The following MBNL2 variants were observed in gnomAD, a reference collection of about 807,000 sequenced individuals.
The protein encoded by MBNL2 is muscleblind like splicing regulator 2.
In MBNL2, 17 loss-of-function variants were observed where a neutral mutation model predicts 41.9. The ratio of observed to expected loss-of-function variants is 0.41; its 90% CI spans 0.28 to 0.61. The LOEUF (loss-of-function observed/expected upper bound fraction) is 0.61, where lower values mean the gene tolerates loss of function less well. Among genes scored for constraint, MBNL2 ranks in the 20% least tolerant of loss-of-function variants. The pLI is 0.35. For synonymous variants in MBNL2, 195 were observed against 182.9 expected (o/e 1.07, Z -0.53); for missense variants, 336 against 505.6 (o/e 0.66, Z 3.22).
chr13:97,342,704 A>G (rs140476647), intron 3 of MBNL2, among the ~76,000 whole-genome samples: 5 of 152,342 alleles, frequency 3.3e-5, no homozygotes, highest in African/African-American at 1.2e-4. Flanking sequence ...TTAGTGTTAT[A>G]ACATTTAATA....
intron 1 of MBNL2, among the ~76,000 whole-genome samples, chr13:97,240,136 T>G (rs2043997929): frequency 2.0e-5 from 3 of 152,210 alleles, no homozygotes; most frequent in Admixed American, 6.5e-5. Flanking sequence ...CCTCCCATGA[T>G]TCTGACTCGG....
At chr13:97,260,494 T>G (rs554413778) in intron 1 of MBNL2, among the ~76,000 whole-genome samples, 5 of 152,148 alleles carry the variant, frequency 3.3e-5, no homozygotes, top group African/African-American at 1.2e-4. Flanking sequence ...AGTAGACTGG[T>G]GAGGAGGCTT....
At chr13:97,237,444 C>T (rs922621834) in intron 1 of MBNL2, among the ~76,000 whole-genome samples, 1 of 152,190 alleles carries the variant, frequency 6.6e-6, no homozygotes, top group Non-Finnish European at 1.5e-5. Flanking sequence ...TTCCCATTTC[C>T]TTTCCCCTCA....
chr13:97,204,513 C>T, the MBNL2 span, among the ~76,000 whole-genome samples: 4 of 152,138 alleles, frequency 2.6e-5, no homozygotes, highest in African/African-American at 4.8e-5. Context: ...GAACTCCTAG[C>T]TTTATTTCCT....
At chr13:97,305,977 G>T (rs929840512) in intron 2 of MBNL2, among the ~76,000 whole-genome samples, 3 of 152,160 alleles carry the variant, frequency 2.0e-5, no homozygotes, top group Non-Finnish European at 2.9e-5. Flanking sequence ...AACAGATTCC[G>T]GTGGGCCTTT....
At chr13:97,362,566 T>G (rs2063499561) in intron 7 of MBNL2, among the ~76,000 whole-genome samples, 2 of 152,074 alleles carry the variant, frequency 1.3e-5, no homozygotes, top group Admixed American at 6.6e-5. Flanking sequence ...TTAATCTGTC[T>G]GGAGCATGGT....
intron 1 of MBNL2, among the ~76,000 whole-genome samples, chr13:97,255,836 T>G (rs1280714989): frequency 1.3e-5 from 2 of 152,186 alleles, no homozygotes; most frequent in Non-Finnish European, 2.9e-5. Context: ...CACTCACTCT[T>G]GGTAACTAAA....
chr13:97,366,530 G>A lies in MBNL2; in HGVS notation c.1048+1359G>A, dbSNP rs369428354. 13 of 1,612,228 alleles carry A rather than the reference G, an allele frequency of 8.1e-6. No homozygotes were observed. The highest frequency in any genetic ancestry group is 5.5e-5 in the South Asian group (5 of 91,020). ...AACTCCTGCAACAAGTGTCCCCTTC[G>A]CAGCAACAGCCACAGCCAATCAGGT... On this transcript the variant is annotated intron_variant, in intron 8 of 8. Transcript: ENST00000679496. The surrounding 1 kb of genome is among the most constrained non-coding windows in gnomAD (Gnocchi z 4.7).
chr13:97,199,544 G>A, the MBNL2 span, among the ~76,000 whole-genome samples: 4 of 152,154 alleles, frequency 2.6e-5, no homozygotes, highest in African/African-American at 7.2e-5. Flanking sequence ...AACCATTATC[G>A]AACACAGAAT....
intron 8 of MBNL2, among the ~76,000 whole-genome samples, chr13:97,374,426 CG>C (rs967250131): frequency 6.6e-6 from 1 of 151,778 alleles, no homozygotes; most frequent in African/African-American, 2.4e-5. Context: ...GGATTACAGA[CG>C]TGAGCCACCG....
In MBNL2 at chr13:97,222,493, G is replaced by C; in HGVS notation, c.-643G>C. 2.5e-6 allele frequency: 1 copy of C among 398,632 alleles called. No homozygotes were observed. Among genetic ancestry groups the C allele is most frequent in the Non-Finnish European group, 4.4e-6 (1 of 226,072 alleles). 24.7% of individuals were successfully genotyped at this position (398,632 alleles called of 1,614,324 possible). A position where few individuals can be genotyped will look rare whatever the true frequency, so the allele number is the denominator to read the frequency against. ...ACTTGGTTCTGCCAGATGTTCCTGG[G>C]GTTACTGTAAATGGGAAGGACAGGC... On this transcript the variant is annotated 5_prime_UTR_variant, in exon 1 of 9. Coordinates refer to ENST00000679496, the MANE Select transcript of MBNL2 (RefSeq NM_001382683.1).
upstream of MBNL2, among the ~76,000 whole-genome samples, chr13:97,218,513 C>T (rs986173142): frequency 7.0e-6 from 1 of 142,398 alleles, no homozygotes; most frequent in East Asian, 2.1e-4. Context: ...TCAAACTGTA[C>T]AAGACAACTG....
intron 1 of MBNL2, among the ~76,000 whole-genome samples, chr13:97,260,583 CGCCGTTAGGAATGTGGA>C (rs2048426358): frequency 6.6e-6 from 1 of 152,132 alleles, no homozygotes; most frequent in Non-Finnish European, 1.5e-5. Flanking sequence ...CAGACTCTGG[CGCCGTTAGGAATGTGGA>C]TCCAGAGGCA....
At chr13:97,349,117 A>G (rs1017704339) in intron 5 of MBNL2, among the ~76,000 whole-genome samples, 5 of 152,140 alleles carry the variant, frequency 3.3e-5, no homozygotes, top group Admixed American at 3.3e-4. Context: ...CGTCCTTCTC[A>G]TTCATATGTT....
chr13:97,377,932 C>T (rs1440237370), intron 8 of MBNL2, among the ~76,000 whole-genome samples: 2 of 152,112 alleles, frequency 1.3e-5, no homozygotes, highest in African/African-American at 2.4e-5. Context: ...TCCATCTTTC[C>T]GCTGCTTATG....
Position 97,334,482 on chromosome 13 carries a change from T to G in MBNL2, c.339+42T>G. ...TCAGTGATGAGTTGGATGGTTACAG[T>G]GTTGGTATGGATGATGCCACGTTGA... On this transcript the variant is annotated intron_variant, in intron 3 of 8. Coordinates refer to ENST00000679496, the MANE Select transcript of MBNL2 (RefSeq NM_001382683.1). This position sits in a 1 kb window ranked among gnomAD's most constrained non-coding sequence, Gnocchi z 5.3. 2 of 1,495,124 alleles carry G rather than the reference T, an allele frequency of 1.3e-6. No individual in the cohort carries two copies. Among genetic ancestry groups the G allele is most frequent in the South Asian group, 2.6e-5 (2 of 78,394 alleles). 92.6% of individuals were successfully genotyped at this position (1,495,124 alleles called of 1,614,324 possible).
intron 7 of MBNL2, among the ~76,000 whole-genome samples, chr13:97,359,080 C>A (rs908376206): frequency 2.0e-5 from 3 of 152,088 alleles, no homozygotes; most frequent in African/African-American, 7.2e-5. Context: ...ATTAGGAGTT[C>A]ACTTTTGCCC....
At chr13:97,249,437 T>G (rs1485862105) in intron 1 of MBNL2, among the ~76,000 whole-genome samples, 1 of 152,254 alleles carries the variant, frequency 6.6e-6, no homozygotes, top group East Asian at 1.9e-4. Context: ...ACTTGCTTCC[T>G]CAAGGAAAAA....
rs1566411815 is a variant in MBNL2, at chr13:97,315,790, ATGGGTGAGGATGTGGAAGGCCTTGCTCG to A, written c.175-18462_175-18435del. 3.1e-4 allele frequency among the ~76,000 whole-genome samples: 47 copies of A among 151,732 alleles called. 1 individual carries two copies. In the East Asian group the frequency reaches 7.2e-3, roughly 23 times the overall value. ...TCTGGCAATGTGGAAGGCCTTGCTC[ATGGGTGAGGATGTGGAAGGCCTTGCTCG>A]TGGGTGAGGATGTGGAAGGCCTTAC... is the stretch of plus-strand genomic sequence containing the variant. On this transcript the variant is annotated intron_variant, in intron 2 of 8. Coordinates refer to ENST00000679496, the MANE Select transcript of MBNL2 (RefSeq NM_001382683.1).
Sources: allele counts gnomAD v4.1 joint callset (sites outside exome capture counted in the v4.1 genomes callset), GRCh38; gene constraint gnomAD v4.1.1; non-coding constraint Gnocchi (gnomAD v3.1); transcripts MANE v1.5; gene names NCBI Gene and HGNC (gene_info 2026-07-23, HGNC 2026-07-21).